The following OPCML variants were observed in gnomAD, a reference collection of about 807,000 sequenced individuals.
OPCML encodes opioid binding protein/cell adhesion molecule like, also known as opioid-binding protein/cell adhesion molecule.
In OPCML, 13 loss-of-function variants were observed where a neutral mutation model predicts 37.8. The ratio of observed to expected loss-of-function variants is 0.34; its 90% CI spans 0.22 to 0.55. The LOEUF (loss-of-function observed/expected upper bound fraction) is 0.55. Among genes scored for constraint, OPCML ranks in the 20% least tolerant of loss-of-function variants. OPCML has a pLI of 0.91. For synonymous variants in OPCML, 176 were observed against 168.8 expected, an observed-to-expected ratio of 1.04 and a Z score of -0.33; for missense variants, 341 against 435.6, an observed-to-expected ratio of 0.78 and a Z score of 1.93.
At chr11:133,369,110 G>A (rs1944617379) in intron 1 of OPCML, among the ~76,000 whole-genome samples, 1 of 152,194 alleles carries the variant, frequency 6.6e-6, no homozygotes, top group Non-Finnish European at 1.5e-5. Flanking sequence ...AATTGGAAAA[G>A]CTAAGTGAAC....
At chr11:132,720,158 G>A (rs1944628461) in intron 2 of OPCML, among the ~76,000 whole-genome samples, 1 of 152,226 alleles carries the variant, frequency 6.6e-6, no homozygotes, top group Admixed American at 6.5e-5. Flanking sequence ...GCCCATGCGA[G>A]AGAGACTGCA....
chr11:132,844,964 T>C (rs1264015056), intron 2 of OPCML, among the ~76,000 whole-genome samples: 6 of 142,446 alleles, frequency 4.2e-5, no homozygotes, highest in African/African-American at 1.6e-4. Flanking sequence ...AAAAAAAACC[T>C]ATTTTTTTTT....
intron 1 of OPCML, among the ~76,000 whole-genome samples, chr11:133,348,671 T>A (rs1251352231): frequency 6.6e-6 from 1 of 152,196 alleles, no homozygotes; most frequent in Non-Finnish European, 1.5e-5. Context: ...TAGAAAATGC[T>A]ATGCTAGAAG....
intron 2 of OPCML, among the ~76,000 whole-genome samples, chr11:132,915,029 C>A (rs765956694): frequency 6.6e-6 from 1 of 152,128 alleles, no homozygotes; most frequent in Non-Finnish European, 1.5e-5. Context: ...ATGTTATTAC[C>A]CTTATTTTCC....
chr11:132,500,261 G>A (rs1444330101), intron 4 of OPCML, among the ~76,000 whole-genome samples: 14 of 152,160 alleles, frequency 9.2e-5, no homozygotes, highest in Non-Finnish European at 7.3e-5. Flanking sequence ...ATGCCTCATT[G>A]TTGGATTAAA....
chr11:133,201,142 G>A (rs530737083), intron 1 of OPCML, among the ~76,000 whole-genome samples: 2 of 152,170 alleles, frequency 1.3e-5, no homozygotes, highest in African/African-American at 2.4e-5. Context: ...AGTGGAAGGT[G>A]GAAGGAGGGT....
intron 1 of OPCML, chr11:133,026,058 T>C (rs1425729873): frequency 8.1e-6 from 8 of 985,088 alleles, no homozygotes; most frequent in African/African-American, 1.7e-5. Context: ...TACTGTATTA[T>C]TGTTTCTCTC....
At chr11:133,464,530 C>T (rs1363392843) in intron 1 of OPCML, among the ~76,000 whole-genome samples, 1 of 152,102 alleles carries the variant, frequency 6.6e-6, no homozygotes, top group Non-Finnish European at 1.5e-5. Context: ...TCAGCTGAAA[C>T]CTGAAATATG....
At chr11:132,674,379 G>T (rs1052256056) in intron 2 of OPCML, among the ~76,000 whole-genome samples, 1 of 152,190 alleles carries the variant, frequency 6.6e-6, no homozygotes, top group African/African-American at 2.4e-5. Context: ...TCAACAGATG[G>T]CAGGAGAGGA....
At chr11:133,094,959 C>G (rs111744803) in intron 1 of OPCML, among the ~76,000 whole-genome samples, 2,940 of 152,116 alleles carry the variant, frequency 0.019, 79 homozygotes, top group African/African-American at 0.06. Flanking sequence ...TATTCATCTG[C>G]TTGCTGGTAT....
intron 3 of OPCML, among the ~76,000 whole-genome samples, chr11:132,595,207 T>G (rs2096490600): frequency 1.3e-5 from 2 of 150,336 alleles, no homozygotes; most frequent in African/African-American, 2.5e-5. Flanking sequence ...GAGGGGGAGG[T>G]CGGGGAGGTA....
Position 132,740,352 on chromosome 11 carries a change from C to T in OPCML, c.147-83033G>A, listed in dbSNP as rs143326062. Among the ~76,000 whole-genome samples, 476 of 152,262 alleles carry T rather than the reference C, an allele frequency of 3.1e-3. 3 individuals carry two copies. The highest frequency in any genetic ancestry group is 3.8e-3 in the Non-Finnish European group (257 of 68,032). On this transcript the variant is annotated intron_variant, in intron 2 of 7. Coordinates refer to ENST00000524381, the MANE Select transcript of OPCML (RefSeq NM_001012393.5). ...GTTACTTTCTCAGAGCCACATCTTC[C>T]GCCTGGCATATCATAAACATACACA...
intron 2 of OPCML, among the ~76,000 whole-genome samples, chr11:132,714,031 T>G (rs968451777): frequency 6.6e-6 from 1 of 152,154 alleles, no homozygotes; most frequent in Admixed American, 6.5e-5. Context: ...TATTATTACA[T>G]AAAAATTTGA....
At chr11:133,504,233 G>T (rs992278390) in intron 1 of OPCML, among the ~76,000 whole-genome samples, 1 of 152,172 alleles carries the variant, frequency 6.6e-6, no homozygotes, top group Admixed American at 6.5e-5. Context: ...CTTTCACGGA[G>T]AACCCCCAAA....
In OPCML at chr11:133,196,980, C is replaced by T. The variant is rs535071483; in HGVS notation, c.62-253970G>A. Among the ~76,000 whole-genome samples the T allele has an allele frequency of 3.3e-5, 5 of 152,126 alleles. No homozygotes were observed. The East Asian group carries it at 5.8e-4, about 18-fold the overall frequency. On this transcript the variant is annotated intron_variant, in intron 1 of 7. Coordinates refer to ENST00000524381, the MANE Select transcript of OPCML (RefSeq NM_001012393.5). ...TCTAGTAAAGACAGGGTGCAGAGAC[C>T]GCAAAACCAAGGAAGCCAATCCAAC...
chr11:133,310,809 A>T (rs187560221), intron 1 of OPCML, among the ~76,000 whole-genome samples: 1 of 152,324 alleles, frequency 6.6e-6, no homozygotes, highest in Admixed American at 6.5e-5. Flanking sequence ...GTCCTCACAC[A>T]ATGTGGAGTT....
intron 2 of OPCML, among the ~76,000 whole-genome samples, chr11:132,672,710 G>A (rs538631143): frequency 2.0e-5 from 3 of 152,040 alleles, no homozygotes; most frequent in Non-Finnish European, 4.4e-5. Flanking sequence ...GCTCTTCCAC[G>A]ACCCTCTATT....
chr11:132,985,684 C>T (rs1258182555), intron 1 of OPCML, among the ~76,000 whole-genome samples: 1 of 152,196 alleles, frequency 6.6e-6, no homozygotes, highest in African/African-American at 2.4e-5. Context: ...GTGAAATCCT[C>T]TCATATTCAC....
At chr11:133,112,007 A>G (rs980416693) in intron 1 of OPCML, among the ~76,000 whole-genome samples, 2 of 152,086 alleles carry the variant, frequency 1.3e-5, no homozygotes, top group Non-Finnish European at 2.9e-5. Flanking sequence ...CAGACACTGG[A>G]TGGGGGAAAT....
Sources: gnomAD v4.1 joint callset for allele counts (sites outside exome capture counted in the v4.1 genomes callset) on GRCh38, gnomAD v4.1.1 for gene constraint, MANE v1.5 for transcripts, NCBI Gene and HGNC (gene_info 2026-07-23, HGNC 2026-07-21) for gene names.